The following ENPEP variants were observed in gnomAD, a reference collection of about 807,000 sequenced individuals.
The protein encoded by ENPEP is AP-A.
A neutral mutation model predicts 114.5 loss-of-function variants in ENPEP; 103 were observed. The ratio of observed to expected loss-of-function variants is 0.90; its 90% CI spans 0.77 to 1.06. ENPEP has a LOEUF of 1.06. ENPEP is among the 50% of genes least tolerant of loss of function. ENPEP has a pLI of 0.00. For synonymous variants in ENPEP, 420 were observed against 422.0 expected (o/e 1.00, Z 0.06); for missense variants, 1,196 against 1,161.3 (o/e 1.03, Z -0.43).
chr4:110,549,280 T>G, intron 14 of ENPEP, 66 bp from the exon 15 acceptor site: 1 of 1,292,776 alleles, frequency 7.7e-7, no homozygotes, highest in Non-Finnish European at 1.1e-6. Context: ...CTGCTGAGTA[T>G]AATAATTGGG....
Position 110,561,732 on chromosome 4 carries a change from G to A in ENPEP, c.*174G>A. 1 of 598,372 alleles carries A rather than the reference G, an allele frequency of 1.7e-6. No individual in the cohort carries two copies. The highest frequency in any genetic ancestry group is 2.8e-6 in the Non-Finnish European group (1 of 352,304). The allele number at this position is 598,372 out of a possible 1,614,324, so 37.1% of individuals were successfully genotyped here. On this transcript the variant is annotated 3_prime_UTR_variant, in exon 20 of 20. Coordinates refer to ENST00000265162, the MANE Select transcript of ENPEP (RefSeq NM_001977.4). ...TAAATTGTTCCTCTTTGTTTATGAAGAAAGATACTAATAGAGTACTTAATA... is the reference window on the plus strand; with the variant it reads ...TAAATTGTTCCTCTTTGTTTATGAAAAAAGATACTAATAGAGTACTTAATA...
In ENPEP at chr4:110,506,701, G is replaced by C. The variant is rs1411818143; in HGVS notation, c.983G>C (p.Ser328Thr). ...GAATATGCTGCAAACATAACTAAAA[G>C]TGTGTTTGATTATTTTGAAGAATAC... ...TAEYAANITK[S>T]VFDYFEEYFA... The change falls in exon 4 of 20, where the codon AGT (serine) becomes ACT (threonine). Residue 328 changes from serine to threonine, a missense_variant. Physicochemically the swap from Ser to Thr is moderately conservative, Grantham distance 58. Transcript: ENST00000265162. The C allele has an allele frequency of 2.5e-6, 4 of 1,610,468 alleles. No homozygotes were observed. In the African/African-American group the frequency reaches 4.0e-5, roughly 16 times the overall value.
intron 3 of ENPEP, among the ~76,000 whole-genome samples, chr4:110,495,876 G>A (rs554995213): frequency 6.6e-6 from 1 of 152,298 alleles, no homozygotes; most frequent in South Asian, 2.1e-4. Flanking sequence ...AAATTACCTT[G>A]TTGGAGATTA....
intron 1 of ENPEP, among the ~76,000 whole-genome samples, chr4:110,482,101 G>T (rs1371247568): frequency 2.6e-5 from 4 of 152,170 alleles, no homozygotes; most frequent in Non-Finnish European, 5.9e-5. Flanking sequence ...ATTACCCCAT[G>T]ACTTTTTGGA....
At chr4:110,530,695 G>A (rs547768157) in intron 10 of ENPEP, among the ~76,000 whole-genome samples, 8 of 152,272 alleles carry the variant, frequency 5.3e-5, no homozygotes, top group Non-Finnish European at 1.0e-4. Context: ...ATTTAGGGGA[G>A]GGTATGAGAG....
intron 7 of ENPEP, 48 bp from the exon 8 acceptor site, chr4:110,515,329 C>A: frequency 6.8e-7 from 1 of 1,469,908 alleles, no homozygotes; most frequent in South Asian, 1.2e-5. Flanking sequence ...ATCATTGTTC[C>A]TTACATAGCC....
At chr4:110,522,449 G>A (rs1343168561) in intron 10 of ENPEP, among the ~76,000 whole-genome samples, 1 of 152,090 alleles carries the variant, frequency 6.6e-6, no homozygotes, top group Non-Finnish European at 1.5e-5. Context: ...CCAAACTCCT[G>A]GGATTACAGG....
chr4:110,477,904 C>A (rs1414663408), intron 1 of ENPEP, among the ~76,000 whole-genome samples: 2 of 152,132 alleles, frequency 1.3e-5, no homozygotes, highest in African/African-American at 4.8e-5. Flanking sequence ...ACTACCAGAG[C>A]TATGTTAAAG....
chr4:110,519,867 G>A (rs1468370356), intron 8 of ENPEP, 141 bp from the exon 9 acceptor site: 24 of 622,570 alleles, frequency 3.9e-5, no homozygotes, highest in Middle Eastern at 4.3e-4. Flanking sequence ...TGCAACAGCC[G>A]TGCTCATTCA....
At chr4:110,558,828 C>A (rs1727581373) in intron 18 of ENPEP, among the ~76,000 whole-genome samples, 1 of 152,112 alleles carries the variant, frequency 6.6e-6, no homozygotes, top group South Asian at 2.1e-4. Context: ...GGTAGAATAT[C>A]ATCTTTAAAA....
intron 18 of ENPEP, among the ~76,000 whole-genome samples, chr4:110,554,051 A>G (rs1432846662): frequency 6.6e-6 from 1 of 152,070 alleles, no homozygotes; most frequent in Non-Finnish European, 1.5e-5. Context: ...CCCGTGCAGA[A>G]GAAAGATTGC....
At chr4:110,554,633 C>T (rs1727408802) in intron 18 of ENPEP, among the ~76,000 whole-genome samples, 1 of 151,836 alleles carries the variant, frequency 6.6e-6, no homozygotes, top group Non-Finnish European at 1.5e-5. Flanking sequence ...AATGAATATA[C>T]CTATTAAGAA....
rs1724114081 is a variant in ENPEP at position 110,476,646 on chromosome 4, T to C, written c.232T>C (p.Cys78Arg). The C allele has an allele frequency of 1.9e-6, 3 of 1,614,114 alleles. No homozygotes were observed. The highest frequency in any genetic ancestry group is 2.5e-6 in the Non-Finnish European group (3 of 1,180,050). The change falls in exon 1 of 20, where the codon TGC (cysteine) becomes CGC (arginine). Residue 78 changes from cysteine (C) to arginine (R), a missense_variant. Cys to Arg is a radical substitution (Grantham distance 180). Transcript: ENST00000265162. Reference protein sequence around the residue: ...SGPPAQDQDICPASEDESGQW... With the variant: ...SGPPAQDQDIRPASEDESGQW... ...TCCTCCTGCCCAGGACCAGGACATC[T>C]GCCCGGCCAGTGAGGATGAGAGCGG...
chr4:110,486,834 G>C (rs1184110059), intron 1 of ENPEP, among the ~76,000 whole-genome samples: 1 of 152,180 alleles, frequency 6.6e-6, no homozygotes, highest in African/African-American at 2.4e-5. Context: ...AATTCACACA[G>C]ATCCGGCTGT....
intron 18 of ENPEP, 62 bp downstream of exon 18, chr4:110,553,517 A>G (rs915155848): frequency 2.0e-6 from 3 of 1,480,054 alleles, no homozygotes; most frequent in African/African-American, 2.8e-5. Context: ...TGGTTCCTTC[A>G]TTTTTCTTTG....
In ENPEP at chr4:110,476,576, G is replaced by A. The variant is rs761812461; in HGVS notation, c.162G>A (p.Ala54=). 2.5e-6 allele frequency: 4 copies of A among 1,613,958 alleles called. No homozygotes were observed. The highest frequency in any genetic ancestry group is 3.4e-6 in the Non-Finnish European group (4 of 1,179,918). The change falls in exon 1 of 20, where the codon GCG becomes GCA. Residue 54 remains alanine (A), a synonymous_variant. Transcript: ENST00000265162. ...GCGGGGACGGCGGGCCGGGCACTGC[G>A]CCAGCTCCTTCCCACCTGCCTTCTT... The part of the protein sequence containing the change: ...DSSGDGGPGT[A]PAPSHLPSST...
In ENPEP at chr4:110,520,001, C is replaced by A; in HGVS notation, c.1510-7C>A. On this transcript the variant is annotated splice_polypyrimidine_tract_variant and splice_region_variant and intron_variant, in intron 8 of 19. Coordinates refer to ENST00000265162, the MANE Select transcript of ENPEP (RefSeq NM_001977.4). ...CTTCTAACATGCTGATTATTTTTTA[C>A]ACACAGATGTACTTGGAAAAATACC... 6.2e-7 allele frequency: 1 copy of A among 1,611,080 alleles called. No individual in the cohort carries two copies.
chr4:110,506,881 C>CAAGTAAG (rs1560557342), intron 4 of ENPEP, 124 bp downstream of exon 4: 25 of 913,666 alleles, frequency 2.7e-5, no homozygotes, highest in Non-Finnish European at 3.8e-5. Flanking sequence ...TATTCTATGC[C>CAAGTAAG]GACAATATCT....
chr4:110,525,396 C>T (rs1367121169), intron 10 of ENPEP, among the ~76,000 whole-genome samples: 6 of 152,184 alleles, frequency 3.9e-5, no homozygotes, highest in African/African-American at 1.2e-4. Flanking sequence ...GTCCTCTGGA[C>T]GTTGTTCCCA....
Sources: allele counts gnomAD v4.1 joint callset (sites outside exome capture counted in the v4.1 genomes callset), GRCh38; gene constraint gnomAD v4.1.1; transcripts MANE v1.5; gene names NCBI Gene and HGNC (gene_info 2026-07-23, HGNC 2026-07-21).